The following COLGALT2 variants were observed in gnomAD, a reference collection of about 807,000 sequenced individuals.
COLGALT2 encodes procollagen galactosyltransferase 2.
Under a neutral mutation model 73.4 loss-of-function variants are expected in COLGALT2, and 49 were observed. The observed-to-expected ratio is 0.67, with a 90% CI of 0.53 to 0.85. The LOEUF is 0.85. Among genes scored for constraint, COLGALT2 ranks in the 40% least tolerant of loss-of-function variants. The probability of loss-of-function intolerance (pLI) is 0.00; values close to 1 mark genes in which losing one functional copy is unlikely to be tolerated. For missense variants in COLGALT2, 722 were observed against 790.2 expected (o/e 0.91, Z 1.03); for synonymous variants, 295 against 307.6 (o/e 0.96, Z 0.43).
chr1:183,941,570 A>G (rs1254884825), intron 10 of COLGALT2, among the ~76,000 whole-genome samples: 1 of 152,176 alleles, frequency 6.6e-6, no homozygotes, highest in Non-Finnish European at 1.5e-5. Flanking sequence ...CAACCTGAGG[A>G]GTTGCCTCCT....
At chr1:183,939,157 G>A in intron 11 of COLGALT2, 120 bp from the exon 12 acceptor site, 1 of 691,732 alleles carries the variant, frequency 1.4e-6, no homozygotes, top group East Asian at 2.7e-5. Flanking sequence ...TTTCAATTGT[G>A]TCATTTGTGA....
intron 1 of COLGALT2, among the ~76,000 whole-genome samples, chr1:184,001,677 T>C (rs1235402707): frequency 6.6e-6 from 1 of 152,260 alleles, no homozygotes; most frequent in Non-Finnish European, 1.5e-5. Context: ...TATATGCAGA[T>C]AATCAAATTT....
At chr1:183,956,038 C>G (rs1234786714) in intron 6 of COLGALT2, among the ~76,000 whole-genome samples, 4 of 152,290 alleles carry the variant, frequency 2.6e-5, no homozygotes, top group Non-Finnish European at 4.4e-5. Context: ...TTGGAAGCAG[C>G]CTGGAACATT....
intron 1 of COLGALT2, among the ~76,000 whole-genome samples, chr1:183,979,084 G>C (rs1372957617): frequency 1.3e-5 from 2 of 151,944 alleles, no homozygotes; most frequent in Non-Finnish European, 2.9e-5. Context: ...TATCTATTTT[G>C]GATTAACTTT....
intron 1 of COLGALT2, among the ~76,000 whole-genome samples, chr1:184,005,158 C>T (rs145978986): frequency 0.012 from 1,899 of 152,276 alleles, 18 homozygotes; most frequent in Middle Eastern, 0.02. Context: ...TGAGCCGGGG[C>T]TCAGTCAACA....
At chr1:184,024,392 G>A (rs56190433) in intron 1 of COLGALT2, among the ~76,000 whole-genome samples, 21,298 of 148,396 alleles carry the variant, frequency 0.14, 1,805 homozygotes, top group Non-Finnish European at 0.19. Context: ...TTACTCTGTC[G>A]CCCAGGCTGG....
intron 1 of COLGALT2, among the ~76,000 whole-genome samples, chr1:184,030,077 A>T (rs547647795): frequency 6.6e-6 from 1 of 152,368 alleles, no homozygotes; most frequent in Admixed American, 6.5e-5. Context: ...TGATATTCCC[A>T]ATCATACTTT....
chr1:183,972,802 C>A (rs1490660777), intron 4 of COLGALT2, among the ~76,000 whole-genome samples: 2 of 152,210 alleles, frequency 1.3e-5, no homozygotes, highest in African/African-American at 4.8e-5. Flanking sequence ...CAAGTTCACG[C>A]CATTCTCCTG....
At chr1:184,028,948 GT>G (rs1293395670) in intron 1 of COLGALT2, among the ~76,000 whole-genome samples, 6 of 152,170 alleles carry the variant, frequency 3.9e-5, no homozygotes, top group African/African-American at 1.4e-4. Flanking sequence ...AATAATAATT[GT>G]TGCTTCAATT....
chr1:184,037,048 C>A lies in COLGALT2; in HGVS notation c.263+47G>T, dbSNP rs751538803. 1.2e-5 allele frequency: 16 copies of A among 1,385,420 alleles called. No individual in the cohort carries two copies. The South Asian group carries it at 2.6e-4, about 22-fold the overall frequency. The allele number at this position is 1,385,420 out of a possible 1,614,324, so 85.8% of individuals were successfully genotyped here. On this transcript the variant is annotated intron_variant, in intron 1 of 11. Transcript: ENST00000361927. The stretch of plus-strand genomic sequence containing the variant: ...CCGGGCGCTGTCCGCGCTGGGCAGG[C>A]CGCCCCCGCGTCCCGCCGCGGCGGC...
At chr1:183,981,515 G>C (rs1339487651) in intron 1 of COLGALT2, among the ~76,000 whole-genome samples, 1 of 151,630 alleles carries the variant, frequency 6.6e-6, no homozygotes, top group Non-Finnish European at 1.5e-5. Context: ...CATTAGCTGG[G>C]TATGGTGGCA....
chr1:183,982,061 G>C (rs1388044661), intron 1 of COLGALT2, among the ~76,000 whole-genome samples: 1 of 152,154 alleles, frequency 6.6e-6, no homozygotes, highest in Non-Finnish European at 1.5e-5. Context: ...TGGCCAACTT[G>C]ATCTACTTTC....
intron 1 of COLGALT2, among the ~76,000 whole-genome samples, chr1:184,016,049 T>C (rs1430478846): frequency 3.3e-5 from 5 of 152,224 alleles, no homozygotes; most frequent in Non-Finnish European, 7.3e-5. Context: ...TATAGACACA[T>C]AGTGGTTTCT....
intron 1 of COLGALT2, among the ~76,000 whole-genome samples, chr1:183,987,624 C>T (rs2182624): frequency 6.6e-6 from 1 of 152,158 alleles, no homozygotes; most frequent in Non-Finnish European, 1.5e-5. Flanking sequence ...TAACAGTTCA[C>T]TATAAAATAA....
intron 1 of COLGALT2, among the ~76,000 whole-genome samples, chr1:183,999,139 T>C (rs1306627665): frequency 6.6e-6 from 1 of 152,150 alleles, no homozygotes; most frequent in Non-Finnish European, 1.5e-5. Flanking sequence ...GTAGCATTTA[T>C]TGGGTTGAGA....
chr1:183,955,692 G>A (rs1438379896), intron 6 of COLGALT2, among the ~76,000 whole-genome samples: 2 of 148,198 alleles, frequency 1.3e-5, no homozygotes, highest in African/African-American at 5.3e-5. Flanking sequence ...CAAAGTCCTC[G>A]AAGAATGTTT....
intron 1 of COLGALT2, among the ~76,000 whole-genome samples, chr1:184,033,220 C>A (rs1274999114): frequency 6.6e-6 from 1 of 152,212 alleles, no homozygotes; most frequent in Non-Finnish European, 1.5e-5. Flanking sequence ...TTTTCACTGT[C>A]ATGGTACTTG....
chr1:183,932,514 T>A (rs1172666823), downstream of COLGALT2, among the ~76,000 whole-genome samples: 3 of 152,022 alleles, frequency 2.0e-5, no homozygotes, highest in African/African-American at 7.2e-5. Flanking sequence ...CGTGAAACTC[T>A]TAGAGGTGGG....
chr1:184,006,223 A>G (rs756547873), intron 1 of COLGALT2, among the ~76,000 whole-genome samples: 3 of 152,174 alleles, frequency 2.0e-5, no homozygotes, highest in South Asian at 2.1e-4. Context: ...TAAATAATGC[A>G]TGGTGAATAT....
Sources: allele counts gnomAD v4.1 joint callset (sites outside exome capture counted in the v4.1 genomes callset), GRCh38; gene constraint gnomAD v4.1.1; transcripts MANE v1.5; gene names NCBI Gene and HGNC (gene_info 2026-07-23, HGNC 2026-07-21).